The following SREK1 variants were observed in gnomAD, a reference collection of about 807,000 sequenced individuals.
SREK1 encodes the protein splicing regulatory glutamic acid and lysine rich protein 1, also known as splicing regulatory glutamine/lysine-rich protein 1.
A neutral mutation model predicts 66.5 loss-of-function variants in SREK1; 13 were observed. That is an observed-to-expected ratio of 0.20 (90% confidence interval 0.13 to 0.31). The LOEUF (loss-of-function observed/expected upper bound fraction) is 0.31, where lower values mean the gene tolerates loss of function less well. Ranked by LOEUF, SREK1 falls within the 10% of genes least tolerant of loss-of-function variation. The pLI, the probability that SREK1 is intolerant of heterozygous loss-of-function variation, is 1.00. For synonymous variants in SREK1, 265 were observed against 263.5 expected (o/e 1.01, Z -0.05); for missense variants, 607 against 769.6 (o/e 0.79, Z 2.50).
rs147387433 is a variant in SREK1, at chr5:66,157,379, T to C, written c.296-1840T>C. 6.1e-6 allele frequency: 6 copies of C among 983,108 alleles called. No homozygotes were observed. The East Asian group carries it at 3.4e-4, about 56-fold the overall frequency. 60.9% of individuals were successfully genotyped at this position (983,108 alleles called of 1,614,324 possible). A position where few individuals can be genotyped will look rare whatever the true frequency, so the allele number is the denominator to read the frequency against. The stretch of plus-strand genomic sequence containing the variant: ...TTTACTTATTAAAGGACAAGTAATA[T>C]TAAATTTGGGACATTACTAGATTAG... On this transcript the variant is annotated intron_variant, in intron 2 of 11. Coordinates refer to ENST00000334121, the MANE Select transcript of SREK1 (RefSeq NM_001077199.3).
intron 9 of SREK1, among the ~76,000 whole-genome samples, chr5:66,172,657 A>C (rs1190968725): frequency 6.6e-6 from 1 of 152,072 alleles, no homozygotes; most frequent in Non-Finnish European, 1.5e-5. Context: ...TGGCCTCCCA[A>C]AGTGCTGGGA....
chr5:66,177,012 G>A (rs556123338), intron 10 of SREK1, among the ~76,000 whole-genome samples: 2 of 152,080 alleles, frequency 1.3e-5, no homozygotes, highest in East Asian at 3.9e-4. Context: ...CTTTACCCAG[G>A]AAAGTCAAAA....
intron 2 of SREK1, among the ~76,000 whole-genome samples, chr5:66,154,376 C>G (rs1001562944): frequency 4.6e-5 from 7 of 152,156 alleles, no homozygotes; most frequent in African/African-American, 1.7e-4. Context: ...GTATAATTAA[C>G]TTTTATTCAG....
At chr5:66,164,086 G>C in intron 6 of SREK1, 164 bp downstream of exon 6, 1 of 806,022 alleles carries the variant, frequency 1.2e-6, no homozygotes. Context: ...GAACAACTTA[G>C]CCCATATTTT....
At chr5:66,174,266 G>A (rs1307696734) in intron 9 of SREK1, among the ~76,000 whole-genome samples, 6 of 152,068 alleles carry the variant, frequency 3.9e-5, no homozygotes, top group South Asian at 2.1e-4. Flanking sequence ...TAATAATAAC[G>A]TAATCTATTT....
chr5:66,171,390 A>T (rs577174195), intron 9 of SREK1, among the ~76,000 whole-genome samples: 1 of 152,126 alleles, frequency 6.6e-6, no homozygotes, highest in Admixed American at 6.5e-5. Flanking sequence ...TGTTAAGTGC[A>T]TAACATTTAA....
In SREK1 at chr5:66,181,904, G is replaced by GGA. The variant is rs998325977; in HGVS notation, c.*3037_*3038insAG. 7.3e-6 allele frequency: 1 copy of GGA among 137,032 alleles called. No homozygotes were observed. The highest frequency in any genetic ancestry group is 2.2e-4 in the East Asian group (1 of 4,576). 8.5% of individuals were successfully genotyped at this position (137,032 alleles called of 1,614,324 possible). A position where few individuals can be genotyped will look rare whatever the true frequency, so the allele number is the denominator to read the frequency against. On this transcript the variant is annotated 3_prime_UTR_variant, in exon 12 of 12. Coordinates refer to ENST00000334121, the MANE Select transcript of SREK1 (RefSeq NM_001077199.3). The stretch of plus-strand genomic sequence containing the variant: ...ATAATGAAAAGGTTTTTTTGTCGGG[G>GGA]GGGGGGGGGTCAAGAGAATTTATTT...
At position 66,178,779 on chromosome 5, in the gene SREK1, G is replaced by A; in HGVS notation, c.1786G>A (p.Ala596Thr). ...GAGCAAAGAAGTAGATGACAAGGAT[G>A]CACCAAGGACTGAGGAAAACAAAAT... ...SVSKEVDDKD[A>T]PRTEENKIQH... Residue 596 changes from alanine to threonine, a missense_variant, in exon 12 of 12, where the codon GCA becomes ACA. By Grantham distance (58) the Ala-to-Thr change is moderately conservative. Around this residue, in one of 5 missense-constraint regions of SREK1, gnomAD observed 318 missense variants for 310.3 expected, o/e 1.02. Coordinates refer to ENST00000334121, the MANE Select transcript of SREK1 (RefSeq NM_001077199.3). The A allele has an allele frequency of 1.2e-6, 2 of 1,612,616 alleles. No individual in the cohort carries two copies. Among genetic ancestry groups the A allele is most frequent in the Non-Finnish European group, 1.7e-6 (2 of 1,178,990 alleles).
chr5:66,146,057 A>G (rs1013317429), intron 1 of SREK1, among the ~76,000 whole-genome samples: 3 of 152,214 alleles, frequency 2.0e-5, no homozygotes, highest in East Asian at 1.9e-4. Context: ...AGAATACTGC[A>G]TAAGTGCACG....
chr5:66,145,156 A>C (rs1743059444), intron 1 of SREK1: 1 of 985,492 alleles, frequency 1.0e-6, no homozygotes, highest in Non-Finnish European at 1.2e-6. Flanking sequence ...CTGAAAGGTC[A>C]CACTGTCCCA....
Position 66,150,933 on chromosome 5 carries a change from C to T in SREK1, c.162-2530C>T, listed in dbSNP as rs1029404587. 4.0e-5 allele frequency among the ~76,000 whole-genome samples: 6 copies of T among 151,136 alleles called. No individual in the cohort carries two copies. The East Asian group carries it at 5.8e-4, about 15-fold the overall frequency. On this transcript the variant is annotated intron_variant, in intron 1 of 11. Coordinates refer to ENST00000334121, the MANE Select transcript of SREK1 (RefSeq NM_001077199.3). ...TCGGCTCACTGCAAACTCTGCCTCC[C>T]GGGTTCAAGCAATTCTTGTGCCTCA...
At chr5:66,155,947 A>G in intron 2 of SREK1, 2 of 1,425,858 alleles carry the variant, frequency 1.4e-6, no homozygotes, top group Non-Finnish European at 1.9e-6. Flanking sequence ...GTCAAACATA[A>G]CAAGGGTGTC....
Position 66,177,501 on chromosome 5 carries a change from A to G in SREK1, c.1581-13A>G. On this transcript the variant is annotated splice_polypyrimidine_tract_variant and intron_variant, in intron 10 of 11. Transcript: ENST00000334121. ...TTTCTTAGAATTTAACTGACATATC[A>G]ATATTCTTATAGCAGAAATAAGAAG... The G allele has an allele frequency of 6.4e-7, 1 of 1,554,778 alleles. No individual in the cohort carries two copies. The highest frequency in any genetic ancestry group is 1.2e-5 in the South Asian group (1 of 83,208).
chr5:66,162,840 C>T, intron 5 of SREK1: 1 of 335,476 alleles, frequency 3.0e-6, no homozygotes, highest in Non-Finnish European at 5.3e-6. Context: ...TATTTATATA[C>T]CCTGCATAAC....
intron 9 of SREK1, 139 bp from the exon 10 acceptor site, chr5:66,174,807 C>T (rs1745920213): frequency 1.2e-5 from 8 of 648,604 alleles, no homozygotes; most frequent in East Asian, 5.8e-5. Flanking sequence ...TGAACATGCT[C>T]ATAAAGGACA....
intron 11 of SREK1, 113 bp downstream of exon 11, chr5:66,177,771 A>G (rs1746180223): frequency 1.2e-6 from 1 of 818,236 alleles, no homozygotes. Context: ...TTGGCATTTT[A>G]TGGCATTTTA....
At chr5:66,171,168 A>G (rs998539506) in intron 9 of SREK1, among the ~76,000 whole-genome samples, 2 of 152,186 alleles carry the variant, frequency 1.3e-5, no homozygotes, top group Non-Finnish European at 2.9e-5. Flanking sequence ...CTTTGTAACC[A>G]CTATTTTAAT....
intron 2 of SREK1, chr5:66,156,614 C>T: frequency 3.0e-6 from 3 of 985,332 alleles, no homozygotes; most frequent in Non-Finnish European, 3.6e-6. Context: ...CTCATAAAAA[C>T]TGATAGCTTC....
intron 5 of SREK1, 63 bp downstream of exon 5, chr5:66,162,655 A>G: frequency 2.7e-6 from 4 of 1,473,634 alleles, no homozygotes; most frequent in Non-Finnish European, 2.7e-6. Flanking sequence ...TTTTGATGTA[A>G]TGAAGGCTTT....
Sources: allele counts gnomAD v4.1 joint callset (sites outside exome capture counted in the v4.1 genomes callset), GRCh38; gene constraint gnomAD v4.1.1; regional missense constraint gnomAD v4.1.1; transcripts MANE v1.5; gene names NCBI Gene and HGNC (gene_info 2026-07-23, HGNC 2026-07-21).